ITGB3BP: variants seen among roughly 807,000 people sequenced by gnomAD.
ITGB3BP encodes centromere protein R.
In ITGB3BP, 27 loss-of-function variants were observed where a neutral mutation model predicts 29.1. The observed-to-expected ratio is 0.93, with a 90% CI of 0.68 to 1.28. The LOEUF is 1.28. Ranked by LOEUF, ITGB3BP falls within the 50% of genes most tolerant of loss-of-function variation. The probability of loss-of-function intolerance (pLI) is 0.00; values close to 1 mark genes in which losing one functional copy is unlikely to be tolerated. For missense variants in ITGB3BP, 192 were observed against 200.2 expected (o/e 0.96, Z 0.25); for synonymous variants, 61 against 61.4 (o/e 0.99, Z 0.03).
chr1:63,460,354 G>T (rs1644997609), intron 4 of ITGB3BP, among the ~76,000 whole-genome samples: 1 of 151,958 alleles, frequency 6.6e-6, no homozygotes, highest in South Asian at 2.1e-4. Flanking sequence ...CTATCTCTTT[G>T]AATTAGTCTA....
At chr1:63,527,440 T>TATA (rs113491101), upstream of ITGB3BP, among the ~76,000 whole-genome samples, 2 of 143,936 alleles carry the variant, frequency 1.4e-5, no homozygotes, top group Non-Finnish European at 3.1e-5. Context: ...TTCTGCCACT[T>TATA]ATGTGCATTT....
intron 4 of ITGB3BP, among the ~76,000 whole-genome samples, chr1:63,473,112 C>A (rs1360346101): frequency 6.6e-6 from 1 of 151,316 alleles, no homozygotes; most frequent in African/African-American, 2.4e-5. Flanking sequence ...ATGTGGGGAG[C>A]ACCTCTGCCC....
chr1:63,473,569 A>AG (rs1330707586), intron 4 of ITGB3BP, among the ~76,000 whole-genome samples: 2 of 55,342 alleles, frequency 3.6e-5, no homozygotes, highest in Non-Finnish European at 7.2e-5. Context: ...GGGAGGGGGG[A>AG]GGGGGGGTCA....
In ITGB3BP at chr1:63,473,383, C is replaced by G. The variant is rs758863137; in HGVS notation, c.254+5381G>C. ...CCCCCGCCCGGCCAGCCGCCCCGTCCGGGAGGTGAGGGGCTCCTCTGCCCG... is the reference window on the plus strand; with the variant it reads ...CCCCCGCCCGGCCAGCCGCCCCGTCGGGGAGGTGAGGGGCTCCTCTGCCCG... On this transcript the variant is annotated intron_variant, in intron 4 of 8. Coordinates refer to ENST00000271002, the MANE Select transcript of ITGB3BP (RefSeq NM_014288.5). Among the ~76,000 whole-genome samples the G allele has an allele frequency of 4.9e-5, 7 of 141,472 alleles. No homozygotes were observed. The East Asian group carries it at 1.1e-3, about 23-fold the overall frequency. The allele number at this position is 141,472 out of a possible 152,430, so 92.8% of individuals were successfully genotyped here.
intron 8 of ITGB3BP, among the ~76,000 whole-genome samples, chr1:63,442,106 C>A (rs1003104740): frequency 1.3e-5 from 2 of 152,184 alleles, no homozygotes; most frequent in African/African-American, 4.8e-5. Flanking sequence ...CAAAAACAAA[C>A]AAACAGATAA....
At chr1:63,477,172 C>G (rs1425450725) in intron 4 of ITGB3BP, among the ~76,000 whole-genome samples, 1 of 152,218 alleles carries the variant, frequency 6.6e-6, no homozygotes, top group South Asian at 2.1e-4. Context: ...AAAAACTCTT[C>G]TCTTTGTCCC....
chr1:63,504,534 A>T (rs546967531), intron 2 of ITGB3BP, among the ~76,000 whole-genome samples: 1 of 152,212 alleles, frequency 6.6e-6, no homozygotes, highest in African/African-American at 2.4e-5. Flanking sequence ...CCTGGCCAGA[A>T]CTTCCAACAC....
intron 8 of ITGB3BP, chr1:63,446,487 G>A (rs1347056063): frequency 4.0e-6 from 1 of 252,654 alleles, no homozygotes; most frequent in Non-Finnish European, 7.6e-6. Flanking sequence ...TATTTAGCTA[G>A]TCTATTTAGC....
intron 2 of ITGB3BP, among the ~76,000 whole-genome samples, chr1:63,507,833 T>G (rs11208232): frequency 0.15 from 23,329 of 152,180 alleles, 2,236 homozygotes; most frequent in South Asian, 0.22. Flanking sequence ...ATTGACTAGC[T>G]ATTTGTTTTA....
At chr1:63,512,756 C>CCA (rs1329545865) in intron 1 of ITGB3BP, among the ~76,000 whole-genome samples, 1 of 152,016 alleles carries the variant, frequency 6.6e-6, no homozygotes, top group African/African-American at 2.4e-5. Flanking sequence ...TCCATTTACT[C>CCA]CACACTATAA....
intron 1 of ITGB3BP, 64 bp downstream of exon 1, chr1:63,523,065 C>T: frequency 6.3e-7 from 1 of 1,591,418 alleles, no homozygotes; most frequent in Non-Finnish European, 8.6e-7. Context: ...TACTGGGCCA[C>T]ATAATATCTT....
intron 3 of ITGB3BP, among the ~76,000 whole-genome samples, chr1:63,480,713 T>G (rs943128295): frequency 1.3e-5 from 2 of 152,132 alleles, no homozygotes; most frequent in Non-Finnish European, 2.9e-5. Flanking sequence ...GAGAAAAAAC[T>G]TACAGAAATT....
At chr1:63,455,375 T>C (rs1644918512) in intron 4 of ITGB3BP, among the ~76,000 whole-genome samples, 1 of 152,020 alleles carries the variant, frequency 6.6e-6, no homozygotes, top group African/African-American at 2.4e-5. Context: ...TGAACATATC[T>C]CCAGTTAGCT....
At chr1:63,516,346 G>C (rs1326074605) in intron 1 of ITGB3BP, among the ~76,000 whole-genome samples, 4 of 56,900 alleles carry the variant, frequency 7.0e-5, no homozygotes, top group African/African-American at 2.0e-4. Context: ...GGGAAGCGGA[G>C]CGGGGGAAGG....
chr1:63,478,724 G>A, intron 4 of ITGB3BP, 40 bp downstream of exon 4: 1 of 941,882 alleles, frequency 1.1e-6, no homozygotes, highest in Non-Finnish European at 1.6e-6. Flanking sequence ...ACGTCTTTCT[G>A]CAAGATACAC....
intron 3 of ITGB3BP, among the ~76,000 whole-genome samples, chr1:63,484,136 G>A (rs146751747): frequency 6.6e-6 from 1 of 152,206 alleles, no homozygotes; most frequent in East Asian, 1.9e-4. Flanking sequence ...CATCTGTACT[G>A]AACATATACA....
chr1:63,508,152 A>G (rs1646121546), intron 2 of ITGB3BP, among the ~76,000 whole-genome samples: 1 of 152,174 alleles, frequency 6.6e-6, no homozygotes, highest in Admixed American at 6.6e-5. Flanking sequence ...TAATGTTTTC[A>G]TTTCATTTTA....
At chr1:63,447,755 G>A (rs9436672) in intron 7 of ITGB3BP, 140,478 of 387,668 alleles carry the variant, frequency 0.36, 26,548 homozygotes, top group East Asian at 0.48. Context: ...TTCAACCATT[G>A]TGGAAGTCAG....
intron 8 of ITGB3BP, among the ~76,000 whole-genome samples, chr1:63,444,870 C>T (rs1381711734): frequency 2.0e-5 from 3 of 151,900 alleles, no homozygotes; most frequent in Non-Finnish European, 4.4e-5. Context: ...TACTTAACCT[C>T]GTTTGTGCCT....
Sources: allele counts gnomAD v4.1 joint callset (sites outside exome capture counted in the v4.1 genomes callset), GRCh38; gene constraint gnomAD v4.1.1; transcripts MANE v1.5; gene names NCBI Gene and HGNC (gene_info 2026-07-23, HGNC 2026-07-21).